AMPD3: variants seen among roughly 807,000 people sequenced by gnomAD.
AMPD3 encodes adenosine monophosphate deaminase 3.
AMPD3 carries 57 observed loss-of-function variants against 82.3 expected under a neutral mutation model. The ratio of observed to expected loss-of-function variants is 0.69; its 90% confidence interval spans 0.56 to 0.86. The LOEUF is 0.86. AMPD3 is among the 40% of genes least tolerant of loss of function. The pLI is 0.00. For missense variants in AMPD3, 870 were observed against 1,003.8 expected (o/e 0.87, Z 1.80); for synonymous variants, 381 against 394.7 (o/e 0.97, Z 0.41).
chr11:10,489,616 C>T (rs907767729), intron 6 of AMPD3, among the ~76,000 whole-genome samples: 6 of 152,136 alleles, frequency 3.9e-5, no homozygotes, highest in Non-Finnish European at 5.9e-5. Flanking sequence ...TAAACATGGG[C>T]GCAGGTCTGC....
chr11:10,457,368 A>T (rs1198514200), intron 1 of AMPD3, among the ~76,000 whole-genome samples: 1 of 152,142 alleles, frequency 6.6e-6, no homozygotes, highest in Non-Finnish European at 1.5e-5. Context: ...AGGGTTCTGT[A>T]TGTTAATGTT....
intron 1 of AMPD3, among the ~76,000 whole-genome samples, chr11:10,459,132 C>A (rs1431226767): frequency 6.6e-6 from 1 of 152,194 alleles, no homozygotes; most frequent in African/African-American, 2.4e-5. Context: ...AGAGGCCAGG[C>A]CTCGCTGTCT....
upstream of AMPD3, among the ~76,000 whole-genome samples, chr11:10,451,501 G>A (rs1847962530): frequency 6.6e-6 from 1 of 152,252 alleles, no homozygotes; most frequent in South Asian, 2.1e-4. Context: ...CGGCAAGGGA[G>A]GTGTACAGCC....
chr11:10,471,671 A>G (rs1848594549), intron 2 of AMPD3, among the ~76,000 whole-genome samples: 1 of 152,270 alleles, frequency 6.6e-6, no homozygotes, highest in African/African-American at 2.4e-5. Flanking sequence ...GAAGACATTT[A>G]TGCAGCCAAC....
At chr11:10,488,232 C>A (rs1849136322) in intron 6 of AMPD3, 4 of 985,476 alleles carry the variant, frequency 4.1e-6, no homozygotes, top group Non-Finnish European at 3.6e-6. Flanking sequence ...CCTTTCCATT[C>A]TCTTTTGCTG....
intron 3 of AMPD3, chr11:10,481,475 T>G (rs1848903536): frequency 1.0e-6 from 1 of 985,424 alleles, no homozygotes; most frequent in Non-Finnish European, 1.2e-6. Context: ...GGAGCACTTG[T>G]CTGTCTTCCA....
At position 10,484,991 on chromosome 11, in the gene AMPD3, A is replaced by G. The variant is rs1311495105; in HGVS notation, c.761A>G (p.Tyr254Cys). The G allele has an allele frequency of 3.1e-6, 5 of 1,613,908 alleles. No homozygotes were observed. Among genetic ancestry groups the G allele is most frequent in the African/African-American group, 1.3e-5 (1 of 74,900 alleles). The change falls in exon 5 of 15, where the codon TAC becomes TGC. Residue 254 changes from tyrosine to cysteine, a missense_variant. By Grantham distance (194) the Tyr-to-Cys change is radical (BLOSUM62 -2). Transcript: ENST00000396553. The stretch of plus-strand genomic sequence containing the variant: ...CTACCCTACCCCGACCTGGAGACCT[A>G]CACGGTGGACATGAGCCACATCCTG... The part of the protein sequence containing the change: ...HSLPYPDLET[Y>C]TVDMSHILAL...
intron 11 of AMPD3, chr11:10,500,717 C>T: frequency 1.0e-6 from 1 of 985,158 alleles, no homozygotes; most frequent in Non-Finnish European, 1.2e-6. Context: ...AGGCATTGCC[C>T]TGGGCACTGG....
intron 3 of AMPD3, among the ~76,000 whole-genome samples, chr11:10,481,209 T>A (rs1848893703): frequency 1.3e-5 from 2 of 152,230 alleles, no homozygotes; most frequent in Non-Finnish European, 2.9e-5. Flanking sequence ...GCTTGTTGCC[T>A]GGATGAGTTG....
intron 8 of AMPD3, chr11:10,495,344 G>A: frequency 1.0e-6 from 1 of 985,474 alleles, no homozygotes. Context: ...AGATGCTTCT[G>A]CTGTGGCCTG....
intron 2 of AMPD3, among the ~76,000 whole-genome samples, chr11:10,462,767 ACTGGGAAGT>A (rs1293906273): frequency 6.6e-6 from 1 of 152,152 alleles, no homozygotes; most frequent in Non-Finnish European, 1.5e-5. Flanking sequence ...CCTTTTTTAG[ACTGGGAAGT>A]CAGGGAAGGC....
At chr11:10,457,326 C>T (rs770748384) in intron 1 of AMPD3, among the ~76,000 whole-genome samples, 18 of 151,898 alleles carry the variant, frequency 1.2e-4, no homozygotes, top group South Asian at 8.3e-4. Context: ...AGTAGTTCTG[C>T]GGAAGATTTT....
intron 2 of AMPD3, among the ~76,000 whole-genome samples, chr11:10,473,153 C>A (rs1848642010): frequency 6.6e-6 from 1 of 152,146 alleles, no homozygotes; most frequent in Non-Finnish European, 1.5e-5. Context: ...GCCTATGGTT[C>A]CAGCTTTTTG....
At chr11:10,494,788 A>C in intron 7 of AMPD3, 111 bp from the exon 8 acceptor site, 1 of 1,584,338 alleles carries the variant, frequency 6.3e-7, no homozygotes, top group Non-Finnish European at 8.6e-7. Flanking sequence ...TTGACATAGA[A>C]GATGTCTTTC....
At chr11:10,501,390 G>A in intron 11 of AMPD3, 80 bp from the exon 12 acceptor site, 1 of 1,582,614 alleles carries the variant, frequency 6.3e-7, no homozygotes, top group African/African-American at 1.3e-5. Flanking sequence ...CCCCGGAGCT[G>A]GCCCTGAGCT....
chr11:10,491,938 T>A (rs1849251069), intron 6 of AMPD3, among the ~76,000 whole-genome samples: 1 of 152,144 alleles, frequency 6.6e-6, no homozygotes, highest in Non-Finnish European at 1.5e-5. Context: ...GGAAAATAAT[T>A]AAATGCACAG....
Position 10,505,899 on chromosome 11 carries a change from A to G in AMPD3, c.*15A>G, listed in dbSNP as rs1436729788. The G allele has an allele frequency of 6.2e-7, 1 of 1,613,974 alleles. No individual in the cohort carries two copies. On this transcript the variant is annotated 3_prime_UTR_variant, in exon 15 of 15. Coordinates refer to ENST00000396553, the MANE Select transcript of AMPD3 (RefSeq NM_001025389.2). ...TGACCAACTAGGTCCAGCATTTGAC[A>G]TGCATTTTAACTTTTTGGTTCAATT...
Position 10,494,885 on chromosome 11 carries a change from G to A in AMPD3, c.1135-14G>A. 6.2e-7 allele frequency: 1 copy of A among 1,612,300 alleles called. No individual in the cohort carries two copies. Among genetic ancestry groups the A allele is most frequent in the Non-Finnish European group, 8.5e-7 (1 of 1,178,520 alleles). Reference sequence around the variant, plus strand: ...GCAGAACGATGCGTTGATTGGTGTGGTCTCCCCCCTCAGGGCCGGCAGACA... The same window carrying A: ...GCAGAACGATGCGTTGATTGGTGTGATCTCCCCCCTCAGGGCCGGCAGACA... On this transcript the variant is annotated splice_polypyrimidine_tract_variant and intron_variant, in intron 7 of 14. Coordinates refer to ENST00000396553, the MANE Select transcript of AMPD3 (RefSeq NM_001025389.2).
chr11:10,477,054 G>T, intron 2 of AMPD3: 6 of 985,506 alleles, frequency 6.1e-6, no homozygotes, highest in Non-Finnish European at 7.2e-6. Flanking sequence ...GCCATGGCAA[G>T]CACTGGGTGT....
Sources: allele counts gnomAD v4.1 joint callset (sites outside exome capture counted in the v4.1 genomes callset), GRCh38; gene constraint gnomAD v4.1.1; transcripts MANE v1.5; gene names NCBI Gene and HGNC (gene_info 2026-07-23, HGNC 2026-07-21).